NCOR2: variants seen among roughly 807,000 people sequenced by gnomAD.
NCOR2 encodes the protein CTG repeat protein 26.
Under a neutral mutation model 262.9 loss-of-function variants are expected in NCOR2, and 81 were observed. The ratio of observed to expected loss-of-function variants is 0.31; its 90% confidence interval spans 0.26 to 0.37. NCOR2 has a LOEUF of 0.37. Ranked by LOEUF, NCOR2 falls within the 10% of genes least tolerant of loss-of-function variation. NCOR2 has a pLI of 1.00. For synonymous variants in NCOR2, 1,659 were observed against 1,559.3 expected, an observed-to-expected ratio of 1.06 and a Z score of -1.51; for missense variants, 3,385 against 3,621.4, an observed-to-expected ratio of 0.93 and a Z score of 1.68.
intron 1 of NCOR2, among the ~76,000 whole-genome samples, chr12:124,529,325 C>G (rs139671705): frequency 0.044 from 6,359 of 144,998 alleles, 282 homozygotes; most frequent in African/African-American, 0.12. Flanking sequence ...AATACAAAAA[C>G]TAGCCAGATG....
chr12:124,351,456 G>A (rs1018832675), intron 27 of NCOR2, among the ~76,000 whole-genome samples: 4 of 152,160 alleles, frequency 2.6e-5, no homozygotes, highest in African/African-American at 4.8e-5. Context: ...AGGAGTACAC[G>A]CCTCCCCAGT....
At chr12:124,370,993 C>T (rs1005578180) in intron 20 of NCOR2, among the ~76,000 whole-genome samples, 14 of 152,160 alleles carry the variant, frequency 9.2e-5, no homozygotes, top group African/African-American at 1.7e-4. Context: ...CCCAACCCCA[C>T]GGCCACCACG....
chr12:124,550,625 C>A (rs2051686208), intron 1 of NCOR2, among the ~76,000 whole-genome samples: 1 of 152,208 alleles, frequency 6.6e-6, no homozygotes, highest in East Asian at 1.9e-4. Context: ...CAAGCTTTTC[C>A]TTCCTGATTT....
chr12:124,368,468 T>G (rs970806770), intron 20 of NCOR2, among the ~76,000 whole-genome samples: 3 of 152,018 alleles, frequency 2.0e-5, no homozygotes, highest in African/African-American at 4.8e-5. Context: ...ATCCCTTGCC[T>G]CTCCAAGGCC....
chr12:124,565,094 G>A (rs925834496), intron 1 of NCOR2, among the ~76,000 whole-genome samples: 5 of 152,170 alleles, frequency 3.3e-5, no homozygotes, highest in African/African-American at 9.7e-5. Context: ...TCTCCGAGAG[G>A]GGGAGGGGGA....
At chr12:124,550,598 G>A (rs928772460) in intron 1 of NCOR2, among the ~76,000 whole-genome samples, 1 of 152,234 alleles carries the variant, frequency 6.6e-6, no homozygotes, top group African/African-American at 2.4e-5. Flanking sequence ...TAGGAACGTG[G>A]TTGTATTTTT....
chr12:124,404,754 T>C (rs1209291069), intron 13 of NCOR2, among the ~76,000 whole-genome samples: 5 of 152,168 alleles, frequency 3.3e-5, no homozygotes, highest in African/African-American at 7.2e-5. Context: ...GAGCTGACTA[T>C]GTGCCCAGCA....
intron 21 of NCOR2, among the ~76,000 whole-genome samples, chr12:124,362,863 G>T (rs2038718336): frequency 6.6e-6 from 1 of 151,480 alleles, no homozygotes; most frequent in Non-Finnish European, 1.5e-5. Flanking sequence ...ATGGACAGGG[G>T]GAGTTCACCT....
intron 12 of NCOR2, among the ~76,000 whole-genome samples, chr12:124,422,130 T>C (rs2043238820): frequency 6.6e-6 from 1 of 152,228 alleles, no homozygotes; most frequent in African/African-American, 2.4e-5. Context: ...AGGCACGTAG[T>C]GCTTCCAGAA....
rs2051850838 is a variant in NCOR2 at position 124,555,432 on chromosome 12, C to G, written c.-165+11876G>C. 4.6e-5 allele frequency among the ~76,000 whole-genome samples: 7 copies of G among 152,206 alleles called. No individual in the cohort carries two copies. The South Asian group carries it at 1.2e-3, about 27-fold the overall frequency. On this transcript the variant is annotated intron_variant, in intron 1 of 32. Transcript: ENST00000458234. Reference sequence around the variant, plus strand: ...GGCACGGGGGCATCCCGACCCAGCCCCAGGGCACAGACAGCTGTGACAACG... The same window carrying G: ...GGCACGGGGGCATCCCGACCCAGCCGCAGGGCACAGACAGCTGTGACAACG...
chr12:124,353,099 CAA>C (rs1399910075), intron 27 of NCOR2, among the ~76,000 whole-genome samples: 2 of 152,168 alleles, frequency 1.3e-5, no homozygotes, highest in African/African-American at 2.4e-5. Flanking sequence ...CAAAAGCAAT[CAA>C]AGAGATGTGT....
At chr12:124,333,274 G>A (rs1203554753) in exon 42 of NCOR2, 1 of 1,603,778 alleles carries the variant, frequency 6.2e-7, no homozygotes, top group Non-Finnish European at 8.5e-7. Context: ...GTTTGGCTCT[G>A]GAGACCTGGA....
chr12:124,423,934 AGTAG>A (rs1593472902), intron 11 of NCOR2, among the ~76,000 whole-genome samples: 1 of 152,214 alleles, frequency 6.6e-6, no homozygotes, highest in East Asian at 1.9e-4. Flanking sequence ...CCATGCCGTC[AGTAG>A]GTGATTTTCA....
chr12:124,347,905 A>C (rs779078857), exon 30 of NCOR2: 1 of 1,560,944 alleles, frequency 6.4e-7, no homozygotes, highest in Non-Finnish European at 8.7e-7. Context: ...GGCACGGCCC[A>C]TGAGACCTGG....
intron 1 of NCOR2, among the ~76,000 whole-genome samples, chr12:124,529,197 A>C (rs2050651255): frequency 7.1e-6 from 1 of 139,896 alleles, no homozygotes; most frequent in East Asian, 2.0e-4. Flanking sequence ...AAAAAAAAAA[A>C]AAAAACACTC....
At chr12:124,477,481 A>G (rs1007610983) in intron 3 of NCOR2, among the ~76,000 whole-genome samples, 7 of 152,232 alleles carry the variant, frequency 4.6e-5, no homozygotes, top group Non-Finnish European at 7.3e-5. Context: ...AGACTAACAC[A>G]GGGAGTGACT....
At chr12:124,447,064 G>A (rs775681872) in intron 7 of NCOR2, among the ~76,000 whole-genome samples, 1 of 152,124 alleles carries the variant, frequency 6.6e-6, no homozygotes, top group Non-Finnish European at 1.5e-5. Flanking sequence ...ACAGGTACAC[G>A]CCACCACAGC....
intron 44 of NCOR2, 59 bp from the exon 47 acceptor site, chr12:124,327,692 AG>A: frequency 8.1e-7 from 1 of 1,242,052 alleles, no homozygotes; most frequent in East Asian, 2.4e-5. Context: ...GGGGAGCCAG[AG>A]GGGCGACAGA....
chr12:124,537,273 T>C (rs984880585), upstream of NCOR2, among the ~76,000 whole-genome samples: 1 of 152,256 alleles, frequency 6.6e-6, no homozygotes, highest in African/African-American at 2.4e-5. Context: ...TGTTAACTTC[T>C]GCATGAAAAG....
Sources: allele counts gnomAD v4.1 joint callset (sites outside exome capture counted in the v4.1 genomes callset), GRCh38; gene constraint gnomAD v4.1.1; transcripts MANE v1.5; gene names NCBI Gene and HGNC (gene_info 2026-07-23, HGNC 2026-07-21).